URGCP: variants seen among roughly 807,000 people sequenced by gnomAD.
URGCP encodes the protein up-regulator of cell proliferation.
In URGCP, 13 loss-of-function variants were observed where a neutral mutation model predicts 24.6. That is an observed-to-expected ratio of 0.53 (90% CI 0.34 to 0.84). The LOEUF (loss-of-function observed/expected upper bound fraction) is 0.84, where lower values mean the gene tolerates loss of function less well. Ranked by LOEUF, URGCP falls within the 40% of genes least tolerant of loss-of-function variation. URGCP has a pLI of 0.01. For synonymous variants in URGCP, 444 were observed against 487.2 expected, an observed-to-expected ratio of 0.91 and a Z score of 1.17; for missense variants, 899 against 1,194.3, an observed-to-expected ratio of 0.75 and a Z score of 3.64.
intron 1 of URGCP, among the ~76,000 whole-genome samples, chr7:43,921,862 T>C (rs139233790): frequency 1.3e-5 from 2 of 152,166 alleles, no homozygotes; most frequent in East Asian, 1.9e-4. Context: ...CTGTAAATAA[T>C]TGAGCATTGA....
At chr7:43,903,135 A>G (rs10270229) in intron 1 of URGCP, among the ~76,000 whole-genome samples, 30,965 of 150,704 alleles carry the variant, frequency 0.21, 3,434 homozygotes, top group African/African-American at 0.26. Context: ...AAAAAAAAAA[A>G]AGAGAGAGAG....
At chr7:43,897,909 G>A (rs2095881722) in intron 1 of URGCP, among the ~76,000 whole-genome samples, 1 of 152,198 alleles carries the variant, frequency 6.6e-6, no homozygotes, top group Admixed American at 6.5e-5. Context: ...AAGTTTTCCA[G>A]GTTCAATCAG....
chr7:43,894,388 G>A (rs779342419), intron 1 of URGCP, among the ~76,000 whole-genome samples: 28 of 151,952 alleles, frequency 1.8e-4, no homozygotes, highest in Non-Finnish European at 3.2e-4. Flanking sequence ...TCGTTCTGTT[G>A]CCCAGGCTGA....
chr7:43,883,691 T>G (rs77186321), intron 3 of URGCP, among the ~76,000 whole-genome samples: 1,569 of 152,248 alleles, frequency 0.01, 37 homozygotes, highest in African/African-American at 0.036. Context: ...AGCTTATGAA[T>G]CAAGATTCGG....
At chr7:43,912,944 G>A (rs542195340) in intron 1 of URGCP, among the ~76,000 whole-genome samples, 80 of 151,818 alleles carry the variant, frequency 5.3e-4, no homozygotes, top group African/African-American at 1.6e-3. Flanking sequence ...TCCACCTCCC[G>A]GGTTCAAGAG....
upstream of URGCP, chr7:43,926,673 C>T: frequency 8.7e-7 from 1 of 1,145,100 alleles, no homozygotes; most frequent in Non-Finnish European, 1.2e-6. Flanking sequence ...GATACACCTG[C>T]CTGGGAAGGA....
intron 1 of URGCP, among the ~76,000 whole-genome samples, chr7:43,894,234 C>T (rs1230758830): frequency 1.3e-5 from 2 of 152,208 alleles, no homozygotes; most frequent in African/African-American, 4.8e-5. Context: ...TAGACCCAGA[C>T]ATTTACAGAA....
Position 43,877,969 on chromosome 7 carries a change from C to A in URGCP, c.1494G>T (p.Gly498=). The A allele has an allele frequency of 6.2e-7, 1 of 1,614,204 alleles. No individual in the cohort carries two copies. The highest frequency in any genetic ancestry group is 8.5e-7 in the Non-Finnish European group (1 of 1,180,042). ...AYRRDELRLQ[G]DPWRKAAQVE... is the part of the protein sequence containing the mutation. ...CTTGGGCTGCCTTTCTCCAGGGGTC[C>A]CCCTGCAGCCTCAGCTCGTCCCTTC... The change falls in exon 6 of 6, where the codon GGG becomes GGT. Residue 498 remains glycine (G), a synonymous_variant. Transcript: ENST00000453200.
intron 1 of URGCP, among the ~76,000 whole-genome samples, chr7:43,903,824 A>G (rs1353521763): frequency 6.6e-6 from 1 of 152,328 alleles, no homozygotes; most frequent in East Asian, 1.9e-4. Context: ...AGTTAAAGCC[A>G]CTAAAACAGA....
chr7:43,920,125 CACTT>C, intron 1 of URGCP: 1 of 793,388 alleles, frequency 1.3e-6, no homozygotes, highest in South Asian at 1.7e-5. Context: ...ACTGACCACT[CACTT>C]AGAGCACAGA....
intron 3 of URGCP, among the ~76,000 whole-genome samples, chr7:43,882,312 G>A (rs971736624): frequency 6.6e-6 from 1 of 152,250 alleles, no homozygotes. Context: ...GCGTGGTGGC[G>A]CATGCCTGTA....
upstream of URGCP, among the ~76,000 whole-genome samples, chr7:43,911,293 C>A (rs530933460): frequency 6.6e-6 from 1 of 151,902 alleles, no homozygotes; most frequent in African/African-American, 2.4e-5. Context: ...CCCAGCTACT[C>A]GGGAAGCTGA....
upstream of URGCP, among the ~76,000 whole-genome samples, chr7:43,908,009 G>A (rs941259544): frequency 6.6e-6 from 1 of 152,188 alleles, no homozygotes; most frequent in Non-Finnish European, 1.5e-5. Context: ...AAGAGTTTGA[G>A]GAATGGGAAA....
chr7:43,918,376 G>C (rs1301472788), intron 1 of URGCP, among the ~76,000 whole-genome samples: 1 of 151,538 alleles, frequency 6.6e-6, no homozygotes, highest in Non-Finnish European at 1.5e-5. Flanking sequence ...GTGTTGCCCA[G>C]GCTACAGTGC....
chr7:43,925,777 G>C (rs2132738785), intron 1 of URGCP, among the ~76,000 whole-genome samples: 1 of 145,544 alleles, frequency 6.9e-6, no homozygotes, highest in Non-Finnish European at 1.5e-5. Context: ...TGGGATTATA[G>C]GCGTGAGCCA....
rs752666371 is a variant in URGCP at position 43,878,392 on chromosome 7, A to G, written c.1071T>C (p.Ala357=). 4 of 1,614,240 alleles carry G rather than the reference A, an allele frequency of 2.5e-6. No homozygotes were observed. Among genetic ancestry groups the G allele is most frequent in the Non-Finnish European group, 3.4e-6 (4 of 1,180,052 alleles). The change falls in exon 6 of 6, where the codon GCT becomes GCC. Residue 357 remains alanine, a synonymous_variant. Transcript: ENST00000453200. The surrounding 1 kb of genome is among the most constrained non-coding windows in gnomAD (Gnocchi z 5.6). ...TGATATTGTCAGTCAATATAAACAC[A>G]GCGGAGGAGATTTCTGTCAAGAGCT... is the stretch of plus-strand genomic sequence containing the variant. ...QFKLLTEISS[A]VFILTDNISK...
Position 43,878,164 on chromosome 7 carries a change from G to A in URGCP, c.1299C>T (p.Ala433=), listed in dbSNP as rs776860710. 1.2e-6 allele frequency: 2 copies of A among 1,614,128 alleles called. No homozygotes were observed. Among genetic ancestry groups the A allele is most frequent in the Non-Finnish European group, 1.7e-6 (2 of 1,180,062 alleles). The change falls in exon 6 of 6, where the codon GCC becomes GCT. Residue 433 remains alanine (A), a synonymous_variant. Coordinates refer to ENST00000453200, the MANE Select transcript of URGCP (RefSeq NM_001077663.3). This position sits in a 1 kb window ranked among gnomAD's most constrained non-coding sequence, Gnocchi z 5.6. ...GTGCCCGCAGCACATTCCCAACGAT[G>A]GCCCGGATCCTCTTCACGAAGCTGT... ...DSDSFVKRIR[A]IVGNVLRAPC...
At chr7:43,898,895 G>C (rs1002072175) in intron 1 of URGCP, among the ~76,000 whole-genome samples, 3 of 149,092 alleles carry the variant, frequency 2.0e-5, no homozygotes, top group African/African-American at 7.3e-5. Flanking sequence ...CCAGCTCTTG[G>C]GAGGCCAAGG....
intron 1 of URGCP, among the ~76,000 whole-genome samples, chr7:43,897,191 A>T (rs1443839376): frequency 6.6e-6 from 1 of 151,190 alleles, no homozygotes; most frequent in Non-Finnish European, 1.5e-5. Context: ...CAACAGAATG[A>T]GACTCTGTCT....
Sources: allele counts gnomAD v4.1 joint callset (sites outside exome capture counted in the v4.1 genomes callset), GRCh38; gene constraint gnomAD v4.1.1; non-coding constraint Gnocchi (gnomAD v3.1); transcripts MANE v1.5; gene names NCBI Gene and HGNC (gene_info 2026-07-23, HGNC 2026-07-21).